Variants in WNT7A observed in about 807,000 individuals in gnomAD.
The protein encoded by WNT7A is Wnt family member 7A, also known as protein Wnt-7a.
In WNT7A, 16 loss-of-function variants were observed where a neutral mutation model predicts 28.2. The ratio of observed to expected loss-of-function variants is 0.57; its 90% CI spans 0.38 to 0.86. The LOEUF (loss-of-function observed/expected upper bound fraction) is 0.86, where lower values mean the gene tolerates loss of function less well. Ranked by LOEUF, WNT7A falls within the 40% of genes least tolerant of loss-of-function variation. WNT7A has a pLI of 0.00. For missense variants in WNT7A, 411 were observed against 489.7 expected, an observed-to-expected ratio of 0.84 and a Z score of 1.52; for synonymous variants, 190 against 195.9, an observed-to-expected ratio of 0.97 and a Z score of 0.25.
chr3:13,856,880 G>GAAGAAAAAGAAGAAGAAGAA (rs1694740060), intron 2 of WNT7A, among the ~76,000 whole-genome samples: 1 of 91,672 alleles, frequency 1.1e-5, no homozygotes, highest in Non-Finnish European at 2.1e-5. Flanking sequence ...AGGAAGAAGA[G>GAAGAAAAAGAAGAAGAAGAA]GAAGAAGAAG....
rs375188666 is a variant in WNT7A, at chr3:13,879,855, C to T, written c.-39G>A. On this transcript the variant is annotated 5_prime_UTR_variant, in exon 1 of 4. Transcript: ENST00000285018. ...CGCCGGGGCCGCGGGCCGGGCTGTGCTGATCCCGCGGGCCGGCCCCGGCGG... is the reference window on the plus strand; with the variant it reads ...CGCCGGGGCCGCGGGCCGGGCTGTGTTGATCCCGCGGGCCGGCCCCGGCGG... The T allele has an allele frequency of 1.5e-5, 23 of 1,544,026 alleles. No individual in the cohort carries two copies. The highest frequency in any genetic ancestry group is 1.8e-5 in the Non-Finnish European group (21 of 1,142,802).
intron 3 of WNT7A, among the ~76,000 whole-genome samples, chr3:13,840,904 C>G (rs1255010322): frequency 2.0e-5 from 3 of 152,202 alleles, no homozygotes; most frequent in African/African-American, 7.2e-5. Context: ...GAGCTCCTAT[C>G]CTGGGGTCCC....
At chr3:13,833,761 G>C (rs762635955) in intron 3 of WNT7A, among the ~76,000 whole-genome samples, 1 of 152,232 alleles carries the variant, frequency 6.6e-6, no homozygotes, top group Non-Finnish European at 1.5e-5. Flanking sequence ...GGCTGACAGC[G>C]GGGACATGGA....
In WNT7A at chr3:13,875,099, C is replaced by T. The variant is rs200415711; in HGVS notation, c.146G>A (p.Arg49Gln). The change falls in exon 2 of 4, where the codon CGG becomes CAG. Residue 49 changes from arginine to glutamine, a missense_variant. By Grantham distance (43) the Arg-to-Gln change is conservative. Coordinates refer to ENST00000285018, the MANE Select transcript of WNT7A (RefSeq NM_004625.4). ...GTCGGGCCGGCTCTGGCAGATCGCCCGCTGTCTGGGAGCCAGGCCTGGGAT... is the reference window on the plus strand; with the variant it reads ...GTCGGGCCGGCTCTGGCAGATCGCCTGCTGTCTGGGAGCCAGGCCTGGGAT... ...NKIPGLAPRQ[R>Q]AICQSRPDAI... 8 of 1,614,206 alleles carry T rather than the reference C, an allele frequency of 5.0e-6. No homozygotes were observed. The highest frequency in any genetic ancestry group is 2.7e-5 in the African/African-American group (2 of 75,062).
At chr3:13,832,664 T>G (rs931493446) in intron 3 of WNT7A, among the ~76,000 whole-genome samples, 1 of 152,168 alleles carries the variant, frequency 6.6e-6, no homozygotes, top group Admixed American at 6.5e-5. Flanking sequence ...TTTTTTTTTT[T>G]TCTGTAAACA....
chr3:13,851,612 T>C (rs558223761), intron 3 of WNT7A, among the ~76,000 whole-genome samples: 1 of 152,348 alleles, frequency 6.6e-6, no homozygotes, highest in African/African-American at 2.4e-5. Context: ...TTTTTGCTTC[T>C]TGTACCTGAT....
At chr3:13,847,683 C>T (rs534646865) in intron 3 of WNT7A, among the ~76,000 whole-genome samples, 66 of 152,104 alleles carry the variant, frequency 4.3e-4, no homozygotes, top group Admixed American at 5.9e-4. Context: ...TCAGACATTA[C>T]GCTAACTGAA....
At chr3:13,861,057 C>A (rs1694820991) in intron 2 of WNT7A, among the ~76,000 whole-genome samples, 1 of 152,174 alleles carries the variant, frequency 6.6e-6, no homozygotes, top group South Asian at 2.1e-4. Flanking sequence ...TGTGATACAA[C>A]CTGTAAGGAC....
At chr3:13,856,987 G>GA (rs1694755837) in intron 2 of WNT7A, among the ~76,000 whole-genome samples, 1 of 71,598 alleles carries the variant, frequency 1.4e-5, no homozygotes, top group African/African-American at 7.7e-5. Flanking sequence ...GAAGAAGAAG[G>GA]AGAAGAAGAA....
At chr3:13,830,529 C>A (rs942743863) in intron 3 of WNT7A, among the ~76,000 whole-genome samples, 2 of 152,196 alleles carry the variant, frequency 1.3e-5, no homozygotes, top group Non-Finnish European at 2.9e-5. Context: ...CCCTGCTCTA[C>A]CCTGGGAGGC....
intron 2 of WNT7A, among the ~76,000 whole-genome samples, chr3:13,868,635 AG>A (rs1365222271): frequency 6.8e-4 from 15 of 22,008 alleles, no homozygotes; most frequent in Non-Finnish European, 9.2e-4. Context: ...AGAAAGAAAG[AG>A]AGAGGAGAAA....
At chr3:13,826,082 C>G (rs73017526) in intron 3 of WNT7A, among the ~76,000 whole-genome samples, 9,790 of 152,184 alleles carry the variant, frequency 0.064, 560 homozygotes, top group African/African-American at 0.16. Context: ...CACTCATGCA[C>G]CTGTTTCACA....
intron 3 of WNT7A, among the ~76,000 whole-genome samples, chr3:13,833,894 C>A (rs1395455494): frequency 6.6e-6 from 1 of 152,200 alleles, no homozygotes; most frequent in Non-Finnish European, 1.5e-5. Flanking sequence ...CTAACTTAAT[C>A]CCTTCCCTGG....
chr3:13,857,916 A>G (rs1017957954), intron 2 of WNT7A, among the ~76,000 whole-genome samples: 1 of 152,194 alleles, frequency 6.6e-6, no homozygotes, highest in African/African-American at 2.4e-5. Flanking sequence ...ATGGTAGAGC[A>G]CTTAGCACAG....
At chr3:13,871,999 C>G (rs1317175175) in intron 2 of WNT7A, among the ~76,000 whole-genome samples, 1 of 152,110 alleles carries the variant, frequency 6.6e-6, no homozygotes, top group Non-Finnish European at 1.5e-5. Context: ...CACCCCCAAG[C>G]ACGTTCCACC....
intron 2 of WNT7A, among the ~76,000 whole-genome samples, chr3:13,860,182 T>C (rs1308909758): frequency 6.6e-6 from 1 of 152,174 alleles, no homozygotes; most frequent in Non-Finnish European, 1.5e-5. Context: ...AGTGTAGATG[T>C]CATTCCCCAT....
At chr3:13,832,801 G>A (rs1442060820) in intron 3 of WNT7A, among the ~76,000 whole-genome samples, 1 of 152,156 alleles carries the variant, frequency 6.6e-6, no homozygotes, top group Admixed American at 6.5e-5. Flanking sequence ...AGGGCCCCTG[G>A]AATGCAGCCT....
At chr3:13,870,790 G>A (rs1575075138) in intron 2 of WNT7A, among the ~76,000 whole-genome samples, 1 of 152,250 alleles carries the variant, frequency 6.6e-6, no homozygotes, top group Non-Finnish European at 1.5e-5. Flanking sequence ...GTGGCCCTGG[G>A]GTTGCCGGAT....
At position 13,835,177 on chromosome 3, in the gene WNT7A, C is replaced by T. The variant is rs548575633; in HGVS notation, c.571-15754G>A. Among the ~76,000 whole-genome samples, 6 of 152,198 alleles carry T rather than the reference C, an allele frequency of 3.9e-5. No homozygotes were observed. The East Asian group carries it at 5.8e-4, about 15-fold the overall frequency. On this transcript the variant is annotated intron_variant, in intron 3 of 3. Coordinates refer to ENST00000285018, the MANE Select transcript of WNT7A (RefSeq NM_004625.4). ...AGGGCAGTGGGCCAGGCTGGAGGGCCGGCGGGGTCTTTGTCCTGATGGTTC... is the reference window on the plus strand; with the variant it reads ...AGGGCAGTGGGCCAGGCTGGAGGGCTGGCGGGGTCTTTGTCCTGATGGTTC...
Sources: allele counts gnomAD v4.1 joint callset (sites outside exome capture counted in the v4.1 genomes callset), GRCh38; gene constraint gnomAD v4.1.1; transcripts MANE v1.5; gene names NCBI Gene and HGNC (gene_info 2026-07-23, HGNC 2026-07-21).